GABPB2: variants seen among roughly 807,000 people sequenced by gnomAD.
GABPB2 encodes GA-binding protein subunit beta-2.
In GABPB2, 23 loss-of-function variants were observed where a neutral mutation model predicts 39.1. The ratio of observed to expected loss-of-function variants is 0.59; its 90% CI spans 0.42 to 0.83. The LOEUF (loss-of-function observed/expected upper bound fraction) is 0.83. Among genes scored for constraint, GABPB2 ranks in the 40% least tolerant of loss-of-function variants. The probability of loss-of-function intolerance (pLI) is 0.00; values close to 1 mark genes in which losing one functional copy is unlikely to be tolerated. For missense variants in GABPB2, 467 were observed against 541.1 expected (o/e 0.86, Z 1.36); for synonymous variants, 184 against 199.3 (o/e 0.92, Z 0.65).
Position 151,107,058 on chromosome 1 carries a change from A to G in GABPB2, c.758A>G (p.Glu253Gly). The G allele has an allele frequency of 6.2e-7, 1 of 1,605,284 alleles. No individual in the cohort carries two copies. Residue 253 changes from glutamate (E) to glycine (G), a missense_variant, in exon 7 of 9, where the codon GAA becomes GGA. Transcript: ENST00000368918. The stretch of plus-strand genomic sequence containing the variant: ...CTAGCCAATACAGAGGAAATTATAG[A>G]AGGAAATTCCGTTGACTCATCAATC... ...RATANTEEII[E>G]GNSVDSSIQQ...
At position 151,118,574 on chromosome 1, in the gene GABPB2, A is replaced by C. The variant is rs1007115266; in HGVS notation, c.*318A>C. The stretch of plus-strand genomic sequence containing the variant: ...TTTTAAATAACTGACTTTCTCACAA[A>C]AGATTTTAAGATAACATTTCTAATA... On this transcript the variant is annotated 3_prime_UTR_variant, in exon 9 of 9. Transcript: ENST00000368918. 2 of 226,138 alleles carry C rather than the reference A, an allele frequency of 8.8e-6. No individual in the cohort carries two copies. Among genetic ancestry groups the C allele is most frequent in the Non-Finnish European group, 1.8e-5 (2 of 114,180 alleles). 14.0% of individuals were successfully genotyped at this position (226,138 alleles called of 1,614,324 possible). A position where few individuals can be genotyped will look rare whatever the true frequency, so the allele number is the denominator to read the frequency against.
chr1:151,094,154 G>C (rs1262673563), intron 4 of GABPB2, among the ~76,000 whole-genome samples: 1 of 147,390 alleles, frequency 6.8e-6, no homozygotes, highest in East Asian at 2.0e-4. Context: ...TGGGTTTGAG[G>C]GATTCTTCCA....
intron 5 of GABPB2, among the ~76,000 whole-genome samples, chr1:151,099,070 G>A (rs1679319671): frequency 1.8e-5 from 2 of 112,878 alleles, no homozygotes; most frequent in Middle Eastern, 7.0e-3. Flanking sequence ...GGCAACAAGA[G>A]TGAAACTTCA....
intron 1 of GABPB2, among the ~76,000 whole-genome samples, chr1:151,071,374 A>C (rs4970993): frequency 6.6e-6 from 1 of 151,200 alleles, no homozygotes; most frequent in African/African-American, 2.4e-5. Flanking sequence ...TATCTGACCC[A>C]AATAATGACC....
At chr1:151,093,146 G>A (rs371525284) in intron 3 of GABPB2, 46 bp from the exon 4 acceptor site, 4 of 1,436,470 alleles carry the variant, frequency 2.8e-6, no homozygotes, top group South Asian at 2.8e-5. Flanking sequence ...TTGCACCTGT[G>A]CTACTATAAC....
At chr1:151,071,289 G>C (rs1676691595) in intron 1 of GABPB2, among the ~76,000 whole-genome samples, 1 of 152,112 alleles carries the variant, frequency 6.6e-6, no homozygotes, top group South Asian at 2.1e-4. Flanking sequence ...CCCCAAATTG[G>C]TTCCCATCTT....
intron 7 of GABPB2, among the ~76,000 whole-genome samples, chr1:151,117,036 T>C (rs587624065): frequency 4.6e-5 from 7 of 152,336 alleles, no homozygotes; most frequent in African/African-American, 1.7e-4. Flanking sequence ...CCCTTCCTTT[T>C]TGAGCCATTC....
chr1:151,110,359 T>C (rs1026695046), intron 7 of GABPB2, among the ~76,000 whole-genome samples: 4 of 152,064 alleles, frequency 2.6e-5, no homozygotes, highest in African/African-American at 9.7e-5. Flanking sequence ...TTTTAAGTTT[T>C]TAGGGCTCAT....
chr1:151,080,345 C>G (rs1166455055), intron 1 of GABPB2, among the ~76,000 whole-genome samples: 1 of 149,546 alleles, frequency 6.7e-6, no homozygotes, highest in Non-Finnish European at 1.5e-5. Flanking sequence ...AACCCTGTCT[C>G]TACTAAAAAT....
At chr1:151,072,742 G>A in intron 1 of GABPB2, among the ~76,000 whole-genome samples, 1 of 152,174 alleles carries the variant, frequency 6.6e-6, no homozygotes, top group South Asian at 2.1e-4. Context: ...AGCTACCCAG[G>A]AGGCTGAGGC....
chr1:151,093,425 T>C, intron 4 of GABPB2, 39 bp downstream of exon 4: 3 of 1,470,364 alleles, frequency 2.0e-6, no homozygotes, highest in Non-Finnish European at 2.7e-6. Context: ...GTATGTTAAT[T>C]GAAGTTAAGG....
At chr1:151,104,775 CTCTT>C (rs1553266329) in intron 6 of GABPB2, among the ~76,000 whole-genome samples, 5,866 of 53,488 alleles carry the variant, frequency 0.11, 309 homozygotes, top group African/African-American at 0.19. Flanking sequence ...CTTTCTTTCT[CTCTT>C]TCTTTCTTTC....
chr1:151,078,418 C>T (rs976104575), intron 1 of GABPB2, among the ~76,000 whole-genome samples: 4 of 151,892 alleles, frequency 2.6e-5, no homozygotes, highest in African/African-American at 4.8e-5. Flanking sequence ...ACGGTGAAAC[C>T]GTGCTTCTAC....
At chr1:151,116,054 G>A (rs1419717343) in intron 7 of GABPB2, among the ~76,000 whole-genome samples, 1 of 151,828 alleles carries the variant, frequency 6.6e-6, no homozygotes, top group African/African-American at 2.4e-5. Context: ...AGTGAGCTGA[G>A]ATTGTGCCAC....
intron 7 of GABPB2, among the ~76,000 whole-genome samples, chr1:151,109,477 G>T (rs1217842283): frequency 6.6e-6 from 1 of 150,560 alleles, no homozygotes; most frequent in Non-Finnish European, 1.5e-5. Flanking sequence ...TCCTGCCTCA[G>T]CCTCCTGAGT....
chr1:151,106,990 A>G, intron 6 of GABPB2, 47 bp from the exon 7 acceptor site: 2 of 1,401,180 alleles, frequency 1.4e-6, no homozygotes, highest in Non-Finnish European at 1.9e-6. Context: ...CTATACTCCT[A>G]TGTTTTTAAA....
At chr1:151,102,622 A>G (rs1188402415) in intron 5 of GABPB2, among the ~76,000 whole-genome samples, 1 of 151,950 alleles carries the variant, frequency 6.6e-6, no homozygotes, top group Non-Finnish European at 1.5e-5. Context: ...TTGTATTTTT[A>G]GTAGAGACAG....
chr1:151,080,386 C>G (rs189991471), intron 1 of GABPB2, among the ~76,000 whole-genome samples: 21 of 150,498 alleles, frequency 1.4e-4, no homozygotes, highest in African/African-American at 4.9e-4. Context: ...TGGCACATGC[C>G]TGTAATCCCA....
At chr1:151,074,439 T>G (rs1676992511) in intron 1 of GABPB2, among the ~76,000 whole-genome samples, 2 of 150,558 alleles carry the variant, frequency 1.3e-5, no homozygotes, top group Admixed American at 6.7e-5. Context: ...GCCTCTCGAA[T>G]AGCTGGGACT....
Sources: gnomAD v4.1 joint callset for allele counts (sites outside exome capture counted in the v4.1 genomes callset) on GRCh38, gnomAD v4.1.1 for gene constraint, MANE v1.5 for transcripts, NCBI Gene and HGNC (gene_info 2026-07-23, HGNC 2026-07-21) for gene names.